PNPLA1: variants seen among roughly 807,000 people sequenced by gnomAD.
PNPLA1 encodes omega-hydroxyceramide transacylase.
A neutral mutation model predicts 51.7 loss-of-function variants in PNPLA1; 36 were observed. The observed-to-expected ratio is 0.70, with a 90% CI of 0.53 to 0.92. The LOEUF (loss-of-function observed/expected upper bound fraction) is 0.92, where lower values mean the gene tolerates loss of function less well. Among genes scored for constraint, PNPLA1 ranks in the 40% least tolerant of loss-of-function variants. PNPLA1 has a pLI of 0.00. For missense variants in PNPLA1, 658 were observed against 682.5 expected, an observed-to-expected ratio of 0.96 and a Z score of 0.40; for synonymous variants, 293 against 280.1, an observed-to-expected ratio of 1.05 and a Z score of -0.46.
intron 1 of PNPLA1, among the ~76,000 whole-genome samples, chr6:36,249,000 C>G (rs1769366253): frequency 6.6e-6 from 1 of 152,190 alleles, no homozygotes; most frequent in African/African-American, 2.4e-5. Context: ...GGAGAGGTAA[C>G]TTGCTCTTAC....
At position 36,270,543 on chromosome 6, in the gene PNPLA1, G is replaced by T. The variant is rs781366452; in HGVS notation, c.84G>T (p.Gln28His). Reference protein sequence around the residue: ...FSGSGFLSFYQAGAVDALRDL... With the variant: ...FSGSGFLSFYHAGAVDALRDL... The stretch of plus-strand genomic sequence containing the variant: ...GCAGTGGATTCCTCTCCTTCTACCA[G>T]GCGGGGGCTGTGGACGCCCTGCGGG... The change falls in exon 1 of 9, where the codon CAG (glutamine) becomes CAT (histidine). Residue 28 changes from glutamine (Q) to histidine (H), a missense_variant. Gln to His is a conservative substitution (Grantham distance 24, BLOSUM62 0). Transcript: ENST00000636260. 1 of 1,551,650 alleles carries T rather than the reference G, an allele frequency of 6.4e-7. No homozygotes were observed. Among genetic ancestry groups the T allele is most frequent in the Non-Finnish European group, 8.7e-7 (1 of 1,147,016 alleles).
rs1771439908 is a variant in PNPLA1, at chr6:36,313,023, G to A, written c.*1137G>A. Among the ~76,000 whole-genome samples, 1 of 152,120 alleles carries A rather than the reference G, an allele frequency of 6.6e-6. No individual in the cohort carries two copies. Among genetic ancestry groups the A allele is most frequent in the African/African-American group, 2.4e-5 (1 of 41,410 alleles). On this transcript the variant is annotated 3_prime_UTR_variant, in exon 9 of 9. Transcript: ENST00000636260. The stretch of plus-strand genomic sequence containing the variant: ...TTTTTAATTCTTACAGTGTACTAAC[G>A]GCTTGGCCTGAGCTGGTCACTGGAA...
At chr6:36,307,990 G>A in intron 8 of PNPLA1, 1 of 282,300 alleles carries the variant, frequency 3.5e-6, no homozygotes, top group South Asian at 5.8e-5. Context: ...GATCGATGAT[G>A]TAAATTGCTT....
chr6:36,286,851 AT>A (rs745386551), intron 1 of PNPLA1, among the ~76,000 whole-genome samples: 137 of 143,916 alleles, frequency 9.5e-4, no homozygotes, highest in South Asian at 2.4e-3. Context: ...GCTAATTTAA[AT>A]TTTTTTTTTT....
intron 1 of PNPLA1, among the ~76,000 whole-genome samples, chr6:36,288,671 G>T (rs1770582086): frequency 6.6e-6 from 1 of 151,806 alleles, no homozygotes; most frequent in Non-Finnish European, 1.5e-5. Flanking sequence ...TGTTAGCCAG[G>T]ATGGTCTCGA....
At chr6:36,299,524 CG>C (rs1389000970) in intron 5 of PNPLA1, among the ~76,000 whole-genome samples, 14 of 152,038 alleles carry the variant, frequency 9.2e-5, no homozygotes, top group African/African-American at 3.4e-4. Context: ...TTAGTAGAGA[CG>C]GGGTTTCGCC....
At chr6:36,304,829 G>C (rs1771182279) in intron 6 of PNPLA1, among the ~76,000 whole-genome samples, 1 of 152,130 alleles carries the variant, frequency 6.6e-6, no homozygotes, top group Non-Finnish European at 1.5e-5. Flanking sequence ...GGCATATATA[G>C]TCTAGTGATT....
intron 1 of PNPLA1, among the ~76,000 whole-genome samples, chr6:36,274,522 TCTGACCAGTTTC>T (rs1770032595): frequency 6.6e-6 from 1 of 152,188 alleles, no homozygotes; most frequent in African/African-American, 2.4e-5. Context: ...TATTGATGGA[TCTGACCAGTTTC>T]CTTGTCGTTA....
At chr6:36,251,007 A>G (rs951462748) in intron 1 of PNPLA1, among the ~76,000 whole-genome samples, 1 of 152,106 alleles carries the variant, frequency 6.6e-6, no homozygotes, top group Non-Finnish European at 1.5e-5. Context: ...CGGCCTGTAA[A>G]GGCTTTCAGA....
At chr6:36,277,206 G>T (rs1541316) in intron 1 of PNPLA1, among the ~76,000 whole-genome samples, 43,724 of 151,980 alleles carry the variant, frequency 0.29, 6,368 homozygotes, top group South Asian at 0.39. Flanking sequence ...GTTGAAAGGC[G>T]TTGCCTTTCC....
intron 1 of PNPLA1, among the ~76,000 whole-genome samples, chr6:36,261,905 A>G (rs375581707): frequency 6.6e-6 from 1 of 152,196 alleles, no homozygotes; most frequent in African/African-American, 2.4e-5. Context: ...TGCTCCATGG[A>G]TGCTGATCTG....
rs1163149071 is a variant in PNPLA1, at chr6:36,293,218, A to C, written c.504+92A>C. 3 of 1,288,352 alleles carry C rather than the reference A, an allele frequency of 2.3e-6. No homozygotes were observed. In the African/African-American group the frequency reaches 4.4e-5, roughly 19 times the overall value. 79.8% of individuals were successfully genotyped at this position (1,288,352 alleles called of 1,614,324 possible). A position where few individuals can be genotyped will look rare whatever the true frequency, so the allele number is the denominator to read the frequency against. On this transcript the variant is annotated intron_variant, in intron 3 of 8. Coordinates refer to ENST00000636260, the MANE Select transcript of PNPLA1 (RefSeq NM_001374623.1). The stretch of plus-strand genomic sequence containing the variant: ...CCTGGGGGAGCAGGGGGGTGGTCTC[A>C]GAATGCAGCGGGAGGACCTAGAGTT...
rs182056073 is a variant in PNPLA1 at position 36,263,961 on chromosome 6, C to T, written c.-81+20700C>T. Among the ~76,000 whole-genome samples the T allele has an allele frequency of 2.6e-5, 4 of 152,320 alleles. No homozygotes were observed. The East Asian group carries it at 7.7e-4, about 29-fold the overall frequency. ...CTGCTTCCCTGCCCCTAAGCTGCTT[C>T]CCCGCTTCCCTTCCCTTTCCCACGG... On this transcript the variant is annotated intron_variant, in intron 1 of 7. Coordinates refer to the PNPLA1 transcript ENST00000312917.
chr6:36,275,859 A>T (rs1399504384), intron 1 of PNPLA1, among the ~76,000 whole-genome samples: 1 of 152,118 alleles, frequency 6.6e-6, no homozygotes. Context: ...TCCTTCAGTA[A>T]AGATTTTGTG....
At chr6:36,264,028 CT>C (rs748016827) in intron 1 of PNPLA1, among the ~76,000 whole-genome samples, 5 of 152,204 alleles carry the variant, frequency 3.3e-5, no homozygotes, top group African/African-American at 4.8e-5. Context: ...CCTTTCGTCC[CT>C]TCTGCCCCAT....
At chr6:36,273,994 T>G (rs1770013510) in intron 1 of PNPLA1, among the ~76,000 whole-genome samples, 1 of 152,178 alleles carries the variant, frequency 6.6e-6, no homozygotes, top group South Asian at 2.1e-4. Context: ...CGCTGTCCGC[T>G]CAGCAGCATG....
At chr6:36,296,997 T>C (rs1263557883) in intron 5 of PNPLA1, among the ~76,000 whole-genome samples, 1 of 152,170 alleles carries the variant, frequency 6.6e-6, no homozygotes, top group East Asian at 1.9e-4. Context: ...CAAGCCCTTA[T>C]CACAATGCTC....
At chr6:36,249,741 C>T (rs1181316151) in intron 1 of PNPLA1, among the ~76,000 whole-genome samples, 1 of 152,148 alleles carries the variant, frequency 6.6e-6, no homozygotes, top group Non-Finnish European at 1.5e-5. Context: ...AGTTTACATC[C>T]CTGTTTCATC....
intron 2 of PNPLA1, 50 bp downstream of exon 2, chr6:36,291,602 C>A (rs111417208): frequency 3.1e-6 from 4 of 1,285,738 alleles, no homozygotes; most frequent in South Asian, 1.3e-5. Context: ...CGGGGGAGGG[C>A]GGCTCCTGCT....
Sources: gnomAD v4.1 joint callset for allele counts (sites outside exome capture counted in the v4.1 genomes callset) on GRCh38, gnomAD v4.1.1 for gene constraint, MANE v1.5 for transcripts, NCBI Gene and HGNC (gene_info 2026-07-23, HGNC 2026-07-21) for gene names.